Variants in SV2B observed in about 807,000 individuals in gnomAD.
The protein encoded by SV2B is synaptic vesicle glycoprotein 2B, also known as solute carrier family 22 member B2.
SV2B carries 41 observed loss-of-function variants against 73.9 expected under a neutral mutation model. The observed-to-expected ratio is 0.56, with a 90% confidence interval of 0.43 to 0.72. SV2B has a LOEUF of 0.72. Among genes scored for constraint, SV2B ranks in the 30% least tolerant of loss-of-function variants. The pLI, the probability that SV2B is intolerant of heterozygous loss-of-function variation, is 0.00. For synonymous variants in SV2B, 314 were observed against 314.2 expected, an observed-to-expected ratio of 1.00 and a Z score of 0.01; for missense variants, 764 against 857.8, an observed-to-expected ratio of 0.89 and a Z score of 1.37.
At chr15:91,233,804 C>T (rs111808941) in intron 2 of SV2B, among the ~76,000 whole-genome samples, 2,419 of 152,256 alleles carry the variant, frequency 0.016, 66 homozygotes, top group African/African-American at 0.053. Context: ...ACCCCTCCAC[C>T]CCTCTTTGCT....
In SV2B at chr15:91,232,842, CCTAA is replaced by C. The variant is rs1452467696; in HGVS notation, c.451+6131_451+6134del. 3.3e-5 allele frequency among the ~76,000 whole-genome samples: 5 copies of C among 152,116 alleles called. No individual in the cohort carries two copies. The highest frequency in any genetic ancestry group is 7.4e-5 in the Non-Finnish European group (5 of 68,018). On this transcript the variant is annotated intron_variant, in intron 2 of 12. Coordinates refer to ENST00000394232, the MANE Select transcript of SV2B (RefSeq NM_001323032.3). The surrounding 1 kb of genome is among the most constrained non-coding windows in gnomAD (Gnocchi z 4.7). The stretch of plus-strand genomic sequence containing the variant: ...CATCACCCAGATAGTGAGCAAAGAA[CCTAA>C]CTGTTTTTCAGTCCTTTCGCCTCTC...
chr15:91,292,242 T>C (rs1158107948), intron 12 of SV2B, 127 bp from the exon 13 acceptor site: 1 of 830,634 alleles, frequency 1.2e-6, no homozygotes, highest in South Asian at 2.2e-5. Context: ...GAATGTGTTA[T>C]TTTTATATTT....
intron 9 of SV2B, among the ~76,000 whole-genome samples, chr15:91,276,310 A>T (rs2048485785): frequency 6.6e-6 from 1 of 150,518 alleles, no homozygotes; most frequent in Admixed American, 6.6e-5. Context: ...TCTTCTTGGG[A>T]TTTACTCTAT....
At chr15:91,176,425 C>T (rs1389678652) in intron 1 of SV2B, among the ~76,000 whole-genome samples, 1 of 151,742 alleles carries the variant, frequency 6.6e-6, no homozygotes, top group Non-Finnish European at 1.5e-5. Context: ...ATGGCTGGGT[C>T]AAATGGTATT....
rs1009843554 is a variant in SV2B at position 91,300,147 on chromosome 15, G to A, written c.*7595G>A. On this transcript the variant is annotated 3_prime_UTR_variant, in exon 13 of 13. Transcript: ENST00000394232. ...TTTTAAAGTTTGAAATATGTGCTAA[G>A]TAGTTAGAGATTTGGCAGTTTTGCC... 2.0e-5 allele frequency: 3 copies of A among 152,178 alleles called. No individual in the cohort carries two copies. Among genetic ancestry groups the A allele is most frequent in the African/African-American group, 7.2e-5 (3 of 41,444 alleles). The allele number at this position is 152,178 out of a possible 1,614,324, so 9.4% of individuals were successfully genotyped here.
In SV2B at chr15:91,252,228, AG is replaced by A; in HGVS notation, c.633-139del. 8.1e-7 allele frequency: 1 copy of A among 1,229,936 alleles called. No individual in the cohort carries two copies. The highest frequency in any genetic ancestry group is 1.5e-5 in the South Asian group (1 of 66,894). The allele number at this position is 1,229,936 out of a possible 1,614,324, so 76.2% of individuals were successfully genotyped here. A position where few individuals can be genotyped will look rare whatever the true frequency, so the allele number is the denominator to read the frequency against. On this transcript the variant is annotated intron_variant, in intron 3 of 12. Transcript: ENST00000394232. This position sits in a 1 kb window ranked among gnomAD's most constrained non-coding sequence, Gnocchi z 4.6. ...CCAAGACTGCTTCCCACATGTAGAG[AG>A]GAACTAACTGGCCGGTCTCTCAAAT...
chr15:91,285,488 C>T (rs1325018584), intron 11 of SV2B, among the ~76,000 whole-genome samples: 1 of 152,156 alleles, frequency 6.6e-6, no homozygotes, highest in Admixed American at 6.5e-5. Context: ...CTAGGTTAGC[C>T]CCAAACACCA....
intron 1 of SV2B, among the ~76,000 whole-genome samples, chr15:91,145,856 A>G (rs1459953053): frequency 4.6e-5 from 7 of 151,908 alleles, no homozygotes; most frequent in African/African-American, 1.7e-4. Context: ...TTATAAATTT[A>G]AGTTCCTTAT....
intron 1 of SV2B, among the ~76,000 whole-genome samples, chr15:91,112,978 T>A (rs994287356): frequency 6.6e-6 from 1 of 152,134 alleles, no homozygotes; most frequent in African/African-American, 2.4e-5. Context: ...CCATCATTCC[T>A]GGCTAATTTT....
intron 6 of SV2B, among the ~76,000 whole-genome samples, chr15:91,262,092 G>GT (rs2047928549): frequency 1.3e-5 from 2 of 152,172 alleles, no homozygotes; most frequent in South Asian, 4.1e-4. Flanking sequence ...GGATCACACG[G>GT]TGGCTGAGCA....
At position 91,302,236 on chromosome 15, in the gene SV2B, A is replaced by G. The variant is rs552644572; in HGVS notation, c.*9684A>G. On this transcript the variant is annotated 3_prime_UTR_variant, in exon 13 of 13. Coordinates refer to ENST00000394232, the MANE Select transcript of SV2B (RefSeq NM_001323032.3). ...AATGGTGAGGAGCAAGTGAAGTGTC[A>G]TATGTAAAAGAGTTAATTCTCAGAT... is the stretch of plus-strand genomic sequence containing the variant. Among the ~76,000 whole-genome samples, 1 of 152,278 alleles carries G rather than the reference A, an allele frequency of 6.6e-6. No homozygotes were observed. Among genetic ancestry groups the G allele is most frequent in the South Asian group, 2.1e-4 (1 of 4,818 alleles).
intron 1 of SV2B, among the ~76,000 whole-genome samples, chr15:91,175,017 G>A (rs1248075399): frequency 1.3e-5 from 2 of 152,194 alleles, no homozygotes; most frequent in African/African-American, 4.8e-5. Context: ...CAGCCCTGCA[G>A]CTATGTCGCT....
rs1323620671 is a variant in SV2B at position 91,224,406 on chromosome 15, AG to A, written c.-391-1462del. ...GCAGCTGGGAGCACTGGGGTGGGGT[AG>A]GGGGTGTAGGAGGGGCTGACGCCTA... On this transcript the variant is annotated intron_variant, in intron 1 of 12. Coordinates refer to ENST00000394232, the MANE Select transcript of SV2B (RefSeq NM_001323032.3). This position sits in a 1 kb window ranked among gnomAD's most constrained non-coding sequence, Gnocchi z 4.9. 6.9e-6 allele frequency among the ~76,000 whole-genome samples: 1 copy of A among 144,864 alleles called. No homozygotes were observed. Among genetic ancestry groups the A allele is most frequent in the African/African-American group, 2.5e-5 (1 of 39,634 alleles).
intron 1 of SV2B, among the ~76,000 whole-genome samples, chr15:91,216,943 A>G (rs2046051754): frequency 6.9e-6 from 1 of 145,426 alleles, no homozygotes; most frequent in Non-Finnish European, 1.5e-5. Flanking sequence ...GCTGGAATAC[A>G]GTGGCACGAT....
chr15:91,256,361 G>T (rs1383315933), intron 4 of SV2B, among the ~76,000 whole-genome samples: 2 of 152,146 alleles, frequency 1.3e-5, no homozygotes, highest in African/African-American at 4.8e-5. Flanking sequence ...AGGCGTGAAG[G>T]AATAATGGAT....
In SV2B at chr15:91,224,690, G is replaced by A. The variant is rs183313212; in HGVS notation, c.-391-1183G>A. Reference sequence around the variant, plus strand: ...CCTTGATCGCGTTACTAACCCACTCGGAGACAGTTTGATTATCTCTCAAAT... The same window carrying A: ...CCTTGATCGCGTTACTAACCCACTCAGAGACAGTTTGATTATCTCTCAAAT... On this transcript the variant is annotated intron_variant, in intron 1 of 12. Coordinates refer to ENST00000394232, the MANE Select transcript of SV2B (RefSeq NM_001323032.3). This position sits in a 1 kb window ranked among gnomAD's most constrained non-coding sequence, Gnocchi z 4.9. 1.9e-4 allele frequency among the ~76,000 whole-genome samples: 29 copies of A among 152,240 alleles called. No homozygotes were observed. The East Asian group carries it at 4.2e-3, about 22-fold the overall frequency.
At chr15:91,235,706 G>A (rs1482315603) in intron 2 of SV2B, among the ~76,000 whole-genome samples, 2 of 152,170 alleles carry the variant, frequency 1.3e-5, no homozygotes, top group Non-Finnish European at 2.9e-5. Context: ...CAACATCAGA[G>A]GAGAGAGCCT....
Position 91,292,879 on chromosome 15 carries a change from T to C in SV2B, c.*327T>C, listed in dbSNP as rs771603034. ...ATTTCTCTAAGTCAAGTGCAAGGAC[T>C]TAACTTGCGTTTGAAAAGGAATTAG... On this transcript the variant is annotated 3_prime_UTR_variant, in exon 13 of 13. Coordinates refer to ENST00000394232, the MANE Select transcript of SV2B (RefSeq NM_001323032.3). The C allele has an allele frequency of 1.3e-4, 25 of 194,436 alleles. No homozygotes were observed. The highest frequency in any genetic ancestry group is 1.8e-4 in the African/African-American group (8 of 43,308). 12.0% of individuals were successfully genotyped at this position (194,436 alleles called of 1,614,324 possible).
At chr15:91,168,827 T>C (rs934842679) in intron 1 of SV2B, among the ~76,000 whole-genome samples, 3 of 152,246 alleles carry the variant, frequency 2.0e-5, no homozygotes, top group African/African-American at 7.2e-5. Flanking sequence ...AGAGAAAGAA[T>C]AGAGTGTACT....
Sources: allele counts gnomAD v4.1 joint callset (sites outside exome capture counted in the v4.1 genomes callset), GRCh38; gene constraint gnomAD v4.1.1; non-coding constraint Gnocchi (gnomAD v3.1); transcripts MANE v1.5; gene names NCBI Gene and HGNC (gene_info 2026-07-23, HGNC 2026-07-21).